Variants in ELMO1 observed in about 807,000 individuals in gnomAD.
ELMO1 encodes engulfment and cell motility protein 1.
A neutral mutation model predicts 98.9 loss-of-function variants in ELMO1; 26 were observed. The observed-to-expected ratio is 0.26, with a 90% confidence interval of 0.19 to 0.36. The LOEUF (loss-of-function observed/expected upper bound fraction) is 0.36. Ranked by LOEUF, ELMO1 falls within the 10% of genes least tolerant of loss-of-function variation. The pLI is 1.00. For synonymous variants in ELMO1, 346 were observed against 346.0 expected, an observed-to-expected ratio of 1.00 and a Z score of 0.00; for missense variants, 627 against 935.2, an observed-to-expected ratio of 0.67 and a Z score of 4.30.
chr7:37,321,857 C>CCT lies in ELMO1; in HGVS notation c.79-5898_79-5897insAG, dbSNP rs1001329073. ...CCAAAAGGAACTAAAAAGTAACTCC[C>CCT]TTTTTTTTTTTTTTTTTGTAAACGG... On this transcript the variant is annotated intron_variant, in intron 2 of 21. Transcript: ENST00000310758. Among the ~76,000 whole-genome samples the CCT allele has an allele frequency of 8.6e-3, 1,186 of 137,430 alleles. 53 individuals are homozygous for CCT. The highest frequency in any genetic ancestry group is 0.047 in the Admixed American group (628 of 13,486). 90.2% of individuals were successfully genotyped at this position (137,430 alleles called of 152,430 possible).
intron 4 of ELMO1, among the ~76,000 whole-genome samples, chr7:37,284,930 G>A (rs1797316666): frequency 6.6e-6 from 1 of 152,200 alleles, no homozygotes; most frequent in African/African-American, 2.4e-5. Context: ...TCTGCCTGGG[G>A]AAAGGACATT....
chr7:37,050,335 A>G (rs1796033288), intron 15 of ELMO1, among the ~76,000 whole-genome samples: 1 of 151,966 alleles, frequency 6.6e-6, no homozygotes, highest in East Asian at 1.9e-4. Context: ...TGGCCTCCCC[A>G]AGTACTGGGA....
chr7:37,178,875 A>G (rs976401555), intron 13 of ELMO1, among the ~76,000 whole-genome samples: 5 of 152,168 alleles, frequency 3.3e-5, no homozygotes, highest in Admixed American at 3.3e-4. Flanking sequence ...AAAATAAGGA[A>G]AGACTGAGAA....
At position 36,974,024 on chromosome 7, in the gene ELMO1, C is replaced by T. The variant is rs191655535; in HGVS notation, c.1437+39275G>A. Among the ~76,000 whole-genome samples the T allele has an allele frequency of 1.9e-3, 294 of 152,248 alleles. 1 individual carries two copies. The highest frequency in any genetic ancestry group is 6.0e-3 in the African/African-American group (249 of 41,478). On this transcript the variant is annotated intron_variant, in intron 16 of 21. Coordinates refer to ENST00000310758, the MANE Select transcript of ELMO1 (RefSeq NM_014800.11). Reference sequence around the variant, plus strand: ...GCCCGCCATGCCTGAGCCTCCCCCCCACTCCGTGGGCTCCTGTGCGTCTGG... The same window carrying T: ...GCCCGCCATGCCTGAGCCTCCCCCCTACTCCGTGGGCTCCTGTGCGTCTGG...
At chr7:37,058,352 T>C (rs1452525559) in intron 15 of ELMO1, among the ~76,000 whole-genome samples, 1 of 152,158 alleles carries the variant, frequency 6.6e-6, no homozygotes, top group Non-Finnish European at 1.5e-5. Flanking sequence ...AGCTAGCTTA[T>C]GATATTTTCA....
At chr7:36,888,272 C>T (rs1805216767) in intron 17 of ELMO1, among the ~76,000 whole-genome samples, 1 of 151,996 alleles carries the variant, frequency 6.6e-6, no homozygotes, top group South Asian at 2.1e-4. Context: ...TTGTCTCAGG[C>T]TAATGCAATA....
intron 1 of ELMO1, among the ~76,000 whole-genome samples, chr7:37,401,104 G>T (rs773998067): frequency 6.6e-6 from 1 of 152,178 alleles, no homozygotes; most frequent in Non-Finnish European, 1.5e-5. Flanking sequence ...TTAAGTAAGT[G>T]AAGGTAAGCT....
At chr7:37,267,439 G>GGC (rs759037975) in intron 5 of ELMO1, among the ~76,000 whole-genome samples, 29 of 152,230 alleles carry the variant, frequency 1.9e-4, no homozygotes, top group Non-Finnish European at 3.1e-4. Flanking sequence ...GCCATGCTTG[G>GGC]GCGCGCGCAC....
chr7:37,213,543 TCTTC>T, intron 11 of ELMO1, 86 bp from the exon 12 acceptor site: 3 of 1,292,618 alleles, frequency 2.3e-6, no homozygotes, highest in Non-Finnish European at 3.2e-6. Context: ...GCTCTCACAG[TCTTC>T]ACTGGGAGGT....
intron 15 of ELMO1, among the ~76,000 whole-genome samples, chr7:37,059,834 C>G (rs1796576676): frequency 6.6e-6 from 1 of 152,166 alleles, no homozygotes; most frequent in Non-Finnish European, 1.5e-5. Context: ...CCACTCAGAG[C>G]TGGAAATGTG....
At chr7:37,230,207 C>T (rs1308734402) in intron 8 of ELMO1, among the ~76,000 whole-genome samples, 2 of 152,088 alleles carry the variant, frequency 1.3e-5, no homozygotes, top group South Asian at 2.1e-4. Context: ...AAGAAAGCCA[C>T]GTTTCTGCCT....
chr7:37,077,039 C>T (rs1385794870), intron 15 of ELMO1, among the ~76,000 whole-genome samples: 3 of 152,176 alleles, frequency 2.0e-5, no homozygotes, highest in Admixed American at 2.0e-4. Context: ...GTCTTCTGTC[C>T]AGTTCAGTAT....
At chr7:37,195,720 C>T (rs1342167707) in intron 13 of ELMO1, among the ~76,000 whole-genome samples, 2 of 152,220 alleles carry the variant, frequency 1.3e-5, no homozygotes, top group African/African-American at 4.8e-5. Flanking sequence ...AGACGGACCA[C>T]CTCCAGTAGA....
At chr7:37,419,037 C>G (rs369938146) in intron 1 of ELMO1, among the ~76,000 whole-genome samples, 1 of 152,006 alleles carries the variant, frequency 6.6e-6, no homozygotes. Flanking sequence ...CCACTCCTAC[C>G]CCCCAGGACT....
chr7:37,349,421 T>A (rs1338849571), intron 1 of ELMO1, among the ~76,000 whole-genome samples: 7 of 152,186 alleles, frequency 4.6e-5, no homozygotes, highest in Non-Finnish European at 1.0e-4. Flanking sequence ...TTGGCACTGC[T>A]GTCTTCCTGG....
chr7:37,417,371 G>A (rs1804263801), intron 1 of ELMO1, among the ~76,000 whole-genome samples: 1 of 152,118 alleles, frequency 6.6e-6, no homozygotes, highest in South Asian at 2.1e-4. Flanking sequence ...CTAAAAAAAT[G>A]CAAAAATTGG....
At chr7:37,107,434 G>A (rs1785012233) in intron 14 of ELMO1, among the ~76,000 whole-genome samples, 1 of 152,208 alleles carries the variant, frequency 6.6e-6, no homozygotes. Flanking sequence ...GAAGTGAGCT[G>A]TGGAATGCAA....
At chr7:37,092,566 T>C (rs537561862) in intron 15 of ELMO1, among the ~76,000 whole-genome samples, 18 of 149,658 alleles carry the variant, frequency 1.2e-4, no homozygotes, top group East Asian at 6.0e-4. Context: ...TTTGTAGAGA[T>C]GGGTTTCACC....
At chr7:36,915,531 T>C (rs1429531932) in intron 16 of ELMO1, among the ~76,000 whole-genome samples, 3 of 152,180 alleles carry the variant, frequency 2.0e-5, no homozygotes, top group Non-Finnish European at 4.4e-5. Context: ...ACAAAGGGCT[T>C]TCCAGCCACA....
Sources: allele counts gnomAD v4.1 joint callset (sites outside exome capture counted in the v4.1 genomes callset), GRCh38; gene constraint gnomAD v4.1.1; transcripts MANE v1.5; gene names NCBI Gene and HGNC (gene_info 2026-07-23, HGNC 2026-07-21).